GRAMD4: variants seen among roughly 807,000 people sequenced by gnomAD.
GRAMD4 encodes GRAM domain containing 4.
GRAMD4 carries 25 observed loss-of-function variants against 83.9 expected under a neutral mutation model. The observed-to-expected ratio is 0.30, with a 90% confidence interval of 0.22 to 0.42. The LOEUF (loss-of-function observed/expected upper bound fraction) is 0.42, where lower values mean the gene tolerates loss of function less well. Ranked by LOEUF, GRAMD4 falls within the 10% of genes least tolerant of loss-of-function variation. The pLI is 1.00. For missense variants in GRAMD4, 593 were observed against 788.7 expected, an observed-to-expected ratio of 0.75 and a Z score of 2.97; for synonymous variants, 336 against 320.9, an observed-to-expected ratio of 1.05 and a Z score of -0.50.
intron 1 of GRAMD4, among the ~76,000 whole-genome samples, chr22:46,603,472 G>T (rs1263711693): frequency 4.8e-5 from 7 of 145,136 alleles, no homozygotes; most frequent in African/African-American, 1.8e-4. Context: ...GCCTCCCAAA[G>T]TGCTGGGATT....
At chr22:46,614,690 G>A (rs1473977487) in intron 1 of GRAMD4, among the ~76,000 whole-genome samples, 1 of 152,032 alleles carries the variant, frequency 6.6e-6, no homozygotes, top group Non-Finnish European at 1.5e-5. Context: ...TTTATGGGTA[G>A]TGCACATTTC....
At position 46,664,134 on chromosome 22, in the gene GRAMD4, G is replaced by C; in HGVS notation, c.717+17G>C. 2 of 1,576,788 alleles carry C rather than the reference G, an allele frequency of 1.3e-6. No homozygotes were observed. Among genetic ancestry groups the C allele is most frequent in the Non-Finnish European group, 1.7e-6 (2 of 1,146,594 alleles). ...GCCTTCACCGTGAGTGGGTCCTCCA[G>C]GGGCCGAGCAGGGTGGGTGGGATGT... On this transcript the variant is annotated intron_variant, in intron 8 of 18. Coordinates refer to ENST00000406902, the MANE Select transcript of GRAMD4 (RefSeq NM_015124.5).
upstream of GRAMD4, among the ~76,000 whole-genome samples, chr22:46,617,698 G>A (rs1417595307): frequency 6.6e-6 from 1 of 152,126 alleles, no homozygotes; most frequent in South Asian, 2.1e-4. Context: ...ACGCTGGCAA[G>A]TGGCCCCAGA....
intron 3 of GRAMD4, among the ~76,000 whole-genome samples, chr22:46,657,943 C>T (rs923411724): frequency 6.6e-6 from 1 of 152,220 alleles, no homozygotes; most frequent in African/African-American, 2.4e-5. Context: ...TCACCCACCT[C>T]TTGCCCCAGT....
At chr22:46,598,988 G>A (rs1042848819) in intron 1 of GRAMD4, among the ~76,000 whole-genome samples, 4 of 152,078 alleles carry the variant, frequency 2.6e-5, no homozygotes, top group Non-Finnish European at 2.9e-5. Flanking sequence ...GGTGGCCTCC[G>A]GTGCCCACCA....
chr22:46,623,666 G>A (rs1403927792), intron 1 of GRAMD4, among the ~76,000 whole-genome samples: 1 of 152,122 alleles, frequency 6.6e-6, no homozygotes, highest in Non-Finnish European at 1.5e-5. Flanking sequence ...AAAGTGCTGA[G>A]ATTACAGGCA....
chr22:46,652,305 G>A (rs1861740), intron 3 of GRAMD4, among the ~76,000 whole-genome samples: 10,088 of 152,118 alleles, frequency 0.066, 683 homozygotes, highest in African/African-American at 0.17. Flanking sequence ...CCTGGGGGCC[G>A]CAAGCCAAGG....
intron 1 of GRAMD4, among the ~76,000 whole-genome samples, chr22:46,594,853 G>A (rs916166711): frequency 2.6e-5 from 4 of 152,084 alleles, no homozygotes; most frequent in African/African-American, 9.7e-5. Context: ...CACATGTTCT[G>A]AAGCGCTCTG....
chr22:46,634,148 C>T (rs796348156), intron 2 of GRAMD4, among the ~76,000 whole-genome samples: 1 of 152,212 alleles, frequency 6.6e-6, no homozygotes, highest in African/African-American at 2.4e-5. Context: ...TGGGCCCTGC[C>T]GAGGGCTGGG....
At chr22:46,677,056 G>T (rs537256818) in intron 18 of GRAMD4, 91 bp from the exon 19 acceptor site, 64 of 1,482,782 alleles carry the variant, frequency 4.3e-5, no homozygotes, top group Non-Finnish European at 5.9e-5. Flanking sequence ...TAGCGTGCTG[G>T]CCTGGGGCTG....
At chr22:46,663,262 G>T (rs1025656242) in intron 6 of GRAMD4, 90 bp downstream of exon 6, 1 of 1,247,186 alleles carries the variant, frequency 8.0e-7, no homozygotes. Context: ...CTTTATCACC[G>T]TGGGCCAAAG....
intron 1 of GRAMD4, among the ~76,000 whole-genome samples, chr22:46,603,231 G>A (rs1178370779): frequency 2.7e-5 from 3 of 112,698 alleles, no homozygotes; most frequent in Non-Finnish European, 5.0e-5. Context: ...TTTTTGAGAC[G>A]GAGTCTCGCT....
intron 3 of GRAMD4, among the ~76,000 whole-genome samples, chr22:46,648,699 CATGGATGG>C (rs201041889): frequency 3.0e-4 from 36 of 118,286 alleles, no homozygotes; most frequent in African/African-American, 9.6e-4. Context: ...TGGATGGATG[CATGGATGG>C]ATGGATGGAT....
intron 1 of GRAMD4, among the ~76,000 whole-genome samples, chr22:46,581,007 C>T (rs1053235160): frequency 6.6e-5 from 10 of 151,158 alleles, no homozygotes; most frequent in Admixed American, 4.0e-4. Context: ...AAAGAAAATG[C>T]GTGTTTCCCT....
intron 16 of GRAMD4, 145 bp from the exon 17 acceptor site, chr22:46,675,323 G>A (rs1352199752): frequency 4.3e-6 from 3 of 698,636 alleles, no homozygotes; most frequent in Non-Finnish European, 7.8e-6. Context: ...GGCCGTGAGT[G>A]TTTCACCGGT....
At chr22:46,649,325 G>A (rs1420927927) in intron 3 of GRAMD4, among the ~76,000 whole-genome samples, 2 of 152,180 alleles carry the variant, frequency 1.3e-5, no homozygotes, top group African/African-American at 4.8e-5. Context: ...TGGTTGGAAA[G>A]GGAGGTTGTG....
At chr22:46,629,826 G>A (rs904750523) in intron 2 of GRAMD4, among the ~76,000 whole-genome samples, 6 of 152,172 alleles carry the variant, frequency 3.9e-5, no homozygotes, top group South Asian at 4.2e-4. Context: ...CTTGGCCACC[G>A]GCCCCACCAG....
chr22:46,611,647 A>G lies in GRAMD4; in HGVS notation c.-49-15104A>G, dbSNP rs186786736. Among the ~76,000 whole-genome samples the G allele has an allele frequency of 1.4e-3, 219 of 151,846 alleles. 1 individual carries two copies. Among genetic ancestry groups the G allele is most frequent in the Non-Finnish European group, 2.7e-3 (184 of 67,952 alleles). On this transcript the variant is annotated intron_variant, in intron 1 of 1. Coordinates refer to the GRAMD4 transcript ENST00000431155. Reference sequence around the variant, plus strand: ...TTATTGGGCAGAGGCTGCCCTTCTGAGGTGTGGATGGAACTGTTGGTGACA... The same window carrying G: ...TTATTGGGCAGAGGCTGCCCTTCTGGGGTGTGGATGGAACTGTTGGTGACA...
chr22:46,589,397 G>A (rs575553092), intron 1 of GRAMD4, among the ~76,000 whole-genome samples: 1 of 150,044 alleles, frequency 6.7e-6, no homozygotes, highest in African/African-American at 2.5e-5. Context: ...TGGGGGAGCC[G>A]TGGGTGTGAG....
Sources: gnomAD v4.1 joint callset for allele counts (sites outside exome capture counted in the v4.1 genomes callset) on GRCh38, gnomAD v4.1.1 for gene constraint, MANE v1.5 for transcripts, NCBI Gene and HGNC (gene_info 2026-07-23, HGNC 2026-07-21) for gene names.